Variants in ZFPM2 observed in about 807,000 individuals in gnomAD.
ZFPM2 encodes zinc finger protein, FOG family member 2.
Under a neutral mutation model 98.6 loss-of-function variants are expected in ZFPM2, and 20 were observed. The ratio of observed to expected loss-of-function variants is 0.20; its 90% confidence interval spans 0.14 to 0.29. The LOEUF (loss-of-function observed/expected upper bound fraction) is 0.29, where lower values mean the gene tolerates loss of function less well. Ranked by LOEUF, ZFPM2 falls within the 10% of genes least tolerant of loss-of-function variation. The pLI, the probability that ZFPM2 is intolerant of heterozygous loss-of-function variation, is 1.00. For synonymous variants in ZFPM2, 518 were observed against 502.7 expected, an observed-to-expected ratio of 1.03 and a Z score of -0.41; for missense variants, 1,310 against 1,388.6, an observed-to-expected ratio of 0.94 and a Z score of 0.90.
At chr8:105,625,584 A>ATT (rs71305169) in intron 4 of ZFPM2, among the ~76,000 whole-genome samples, 129 of 142,848 alleles carry the variant, frequency 9.0e-4, no homozygotes, top group Middle Eastern at 3.6e-3. Context: ...GTGAAAACCT[A>ATT]TTTTTTTTTT....
intron 1 of ZFPM2, among the ~76,000 whole-genome samples, chr8:105,331,313 CT>C (rs1812230288): frequency 6.6e-6 from 1 of 151,488 alleles, no homozygotes; most frequent in Non-Finnish European, 1.5e-5. Flanking sequence ...ATTCAGAAAT[CT>C]CATTTAAGGA....
rs558250075 is a variant in ZFPM2 at position 105,621,496 on chromosome 8, G to T, written c.421-12750G>T. Among the ~76,000 whole-genome samples the T allele has an allele frequency of 7.4e-4, 112 of 152,100 alleles. 2 individuals carry two copies. The South Asian group carries it at 0.015, about 20-fold the overall frequency. On this transcript the variant is annotated intron_variant, in intron 4 of 7. Transcript: ENST00000407775. The stretch of plus-strand genomic sequence containing the variant: ...AACAGGGTCAATTTGACTTCCTCTT[G>T]TCCTAATTGAATACCCTTTATTTCT...
chr8:105,727,087 T>C (rs923808803), intron 5 of ZFPM2, among the ~76,000 whole-genome samples: 2 of 151,724 alleles, frequency 1.3e-5, no homozygotes, highest in Admixed American at 1.3e-4. Context: ...ATGAGGAGCC[T>C]GTCTTAGAGT....
chr8:105,574,957 C>T (rs188981767), intron 4 of ZFPM2, among the ~76,000 whole-genome samples: 207 of 151,828 alleles, frequency 1.4e-3, no homozygotes, highest in African/African-American at 4.8e-3. Context: ...AAAAATAGCA[C>T]TTGCCTTTAT....
intron 5 of ZFPM2, among the ~76,000 whole-genome samples, chr8:105,670,382 G>A (rs1395734910): frequency 6.6e-6 from 1 of 151,258 alleles, no homozygotes; most frequent in Non-Finnish European, 1.5e-5. Flanking sequence ...TGTAGTCCCA[G>A]CTACTCGGGA....
At chr8:105,720,095 T>C (rs1586218602) in intron 5 of ZFPM2, among the ~76,000 whole-genome samples, 1 of 152,038 alleles carries the variant, frequency 6.6e-6, no homozygotes, top group East Asian at 2.0e-4. Context: ...ATTTTAAAGA[T>C]GCGATAAGGT....
At chr8:105,423,853 G>A (rs550833026) in intron 2 of ZFPM2, among the ~76,000 whole-genome samples, 13 of 152,328 alleles carry the variant, frequency 8.5e-5, no homozygotes, top group South Asian at 2.1e-4. Context: ...TGGGATTGGC[G>A]TGGAGCAGTT....
chr8:105,449,613 T>C (rs1363848710), intron 3 of ZFPM2, among the ~76,000 whole-genome samples: 2 of 151,974 alleles, frequency 1.3e-5, no homozygotes, highest in African/African-American at 2.4e-5. Flanking sequence ...GGTAAATTAT[T>C]TTGGGGTAAT....
intron 1 of ZFPM2, among the ~76,000 whole-genome samples, chr8:105,328,281 T>G (rs751180327): frequency 6.6e-6 from 1 of 151,852 alleles, no homozygotes; most frequent in Non-Finnish European, 1.5e-5. Context: ...ATGGAATGCT[T>G]ATATTCATCA....
At chr8:105,349,553 G>C (rs1812604064) in intron 1 of ZFPM2, among the ~76,000 whole-genome samples, 1 of 152,030 alleles carries the variant, frequency 6.6e-6, no homozygotes. Flanking sequence ...CTCAGTGAAG[G>C]GTTTACATTC....
chr8:105,676,041 G>A (rs763768938), intron 5 of ZFPM2: 4 of 152,250 alleles, frequency 2.6e-5, no homozygotes, highest in Admixed American at 6.5e-5. Context: ...TCTTACAGAT[G>A]TCTAAATTAT....
intron 5 of ZFPM2, among the ~76,000 whole-genome samples, chr8:105,784,101 A>T (rs1813341349): frequency 6.6e-6 from 1 of 152,158 alleles, no homozygotes; most frequent in African/African-American, 2.4e-5. Flanking sequence ...TATTAAACAT[A>T]AGGTCAAAGG....
intron 3 of ZFPM2, among the ~76,000 whole-genome samples, chr8:105,556,241 A>G (rs1290710061): frequency 6.6e-6 from 1 of 152,164 alleles, no homozygotes; most frequent in Non-Finnish European, 1.5e-5. Flanking sequence ...CCAACAGCCA[A>G]TGGAAAAGAA....
intron 4 of ZFPM2, among the ~76,000 whole-genome samples, chr8:105,578,123 C>T (rs1563727566): frequency 6.6e-6 from 1 of 152,072 alleles, no homozygotes; most frequent in South Asian, 2.1e-4. Flanking sequence ...TAAAAGTATA[C>T]TCAATCTTTT....
At chr8:105,373,209 A>G (rs1230018455) in intron 1 of ZFPM2, among the ~76,000 whole-genome samples, 2 of 152,186 alleles carry the variant, frequency 1.3e-5, no homozygotes, top group Non-Finnish European at 2.9e-5. Flanking sequence ...GGATCTAGAA[A>G]GAGTCAAAAC....
At chr8:105,778,074 C>G (rs981528022) in intron 5 of ZFPM2, among the ~76,000 whole-genome samples, 1 of 152,140 alleles carries the variant, frequency 6.6e-6, no homozygotes, top group Admixed American at 6.5e-5. Flanking sequence ...AAAGAAACCT[C>G]CAAAGCGGTT....
At chr8:105,331,686 A>G (rs890382055) in intron 1 of ZFPM2, among the ~76,000 whole-genome samples, 1 of 151,722 alleles carries the variant, frequency 6.6e-6, no homozygotes, top group African/African-American at 2.4e-5. Flanking sequence ...GGAAAATTTT[A>G]TGTATTCATG....
intron 3 of ZFPM2, among the ~76,000 whole-genome samples, chr8:105,500,548 CA>C (rs768211158): frequency 9.2e-5 from 14 of 151,988 alleles, no homozygotes; most frequent in Non-Finnish European, 1.3e-4. Flanking sequence ...TAAACAACTA[CA>C]CTGAGATTTT....
chr8:105,431,903 C>T (rs1280506027), intron 2 of ZFPM2, among the ~76,000 whole-genome samples: 2 of 118,480 alleles, frequency 1.7e-5, no homozygotes, highest in Non-Finnish European at 3.2e-5. Flanking sequence ...GACTGGGTGA[C>T]AGAGCAAGAC....
Sources: gnomAD v4.1 joint callset for allele counts (sites outside exome capture counted in the v4.1 genomes callset) on GRCh38, gnomAD v4.1.1 for gene constraint, MANE v1.5 for transcripts, NCBI Gene and HGNC (gene_info 2026-07-23, HGNC 2026-07-21) for gene names.